ASCC3: variants seen among roughly 807,000 people sequenced by gnomAD.
ASCC3 encodes the protein activating signal cointegrator 1 complex subunit 3, also known as ASC-1 complex subunit P200.
In ASCC3, 158 loss-of-function variants were observed where a neutral mutation model predicts 256.3. That is an observed-to-expected ratio of 0.62 (90% CI 0.54 to 0.70). The LOEUF is 0.70. Among genes scored for constraint, ASCC3 ranks in the 30% least tolerant of loss-of-function variants. The probability of loss-of-function intolerance (pLI) is 0.00; values close to 1 mark genes in which losing one functional copy is unlikely to be tolerated. For missense variants in ASCC3, 2,259 were observed against 2,626.0 expected, an observed-to-expected ratio of 0.86 and a Z score of 3.05; for synonymous variants, 948 against 883.4, an observed-to-expected ratio of 1.07 and a Z score of -1.30.
intron 23 of ASCC3, among the ~76,000 whole-genome samples, chr6:100,643,174 A>G (rs954258018): frequency 1.3e-5 from 2 of 152,172 alleles, no homozygotes; most frequent in Non-Finnish European, 1.5e-5. Context: ...AACCAAGCAG[A>G]CAAAAGCAAT....
At chr6:100,856,720 G>C (rs1772960364) in intron 3 of ASCC3, 1 of 151,988 alleles carries the variant, frequency 6.6e-6, no homozygotes, top group African/African-American at 2.4e-5. Context: ...CATATTAATG[G>C]AATCATAATA....
chr6:100,553,441 C>A (rs917457264), intron 36 of ASCC3, among the ~76,000 whole-genome samples: 2 of 151,996 alleles, frequency 1.3e-5, no homozygotes, highest in Non-Finnish European at 2.9e-5. Flanking sequence ...AGCTTTTATG[C>A]AACTGGGATT....
chr6:100,535,670 T>C (rs1053816756), intron 37 of ASCC3, among the ~76,000 whole-genome samples: 1 of 151,974 alleles, frequency 6.6e-6, no homozygotes, highest in African/African-American at 2.4e-5. Context: ...GGTTTCACCA[T>C]CTTGGCCAGG....
In ASCC3 at chr6:100,800,297, T is replaced by C. The variant is rs41288435; in HGVS notation, c.1127+3A>G. On this transcript the variant is annotated splice_donor_region_variant and intron_variant, in intron 6 of 41. Coordinates refer to ENST00000369162, the MANE Select transcript of ASCC3 (RefSeq NM_006828.4). Reference sequence around the variant, plus strand: ...GCATTTTTCAGCTCCTGGCTTTTATTACCTTTGTATCCGCAATTCCTTAGG... The same window carrying C: ...GCATTTTTCAGCTCCTGGCTTTTATCACCTTTGTATCCGCAATTCCTTAGG... 195,690 of 1,611,842 alleles carry C rather than the reference T, an allele frequency of 0.12. 13,774 individuals are homozygous for C. Among genetic ancestry groups the C allele is most frequent in the Non-Finnish European group, 0.14 (165,921 of 1,178,430 alleles).
At chr6:100,633,080 C>A (rs1309278754) in intron 25 of ASCC3, among the ~76,000 whole-genome samples, 1 of 152,180 alleles carries the variant, frequency 6.6e-6, no homozygotes, top group South Asian at 2.1e-4. Context: ...TACACTAGTT[C>A]TGTCTTAATG....
intron 7 of ASCC3, 34 bp from the exon 8 acceptor site, chr6:100,798,872 TAAAA>T (rs756020806): frequency 1.3e-6 from 2 of 1,554,878 alleles, no homozygotes; most frequent in Admixed American, 1.7e-5. Context: ...CCAATAATAA[TAAAA>T]AATAAAACAC....
At chr6:100,553,328 A>C (rs1031478187) in intron 36 of ASCC3, among the ~76,000 whole-genome samples, 2 of 152,116 alleles carry the variant, frequency 1.3e-5, no homozygotes, top group Non-Finnish European at 2.9e-5. Context: ...AATTTTAAAC[A>C]ACTTGTCTAG....
chr6:100,705,768 C>A (rs900702298), intron 13 of ASCC3, among the ~76,000 whole-genome samples: 2 of 151,894 alleles, frequency 1.3e-5, no homozygotes, highest in Non-Finnish European at 2.9e-5. Flanking sequence ...ATTACTAAAA[C>A]TGCCAAGATA....
chr6:100,835,484 C>T lies in ASCC3; in HGVS notation c.801+12664G>A, dbSNP rs553150840. Among the ~76,000 whole-genome samples the T allele has an allele frequency of 4.3e-4, 66 of 152,266 alleles. 1 individual carries two copies. In the South Asian group the frequency reaches 0.012, roughly 28 times the overall value. On this transcript the variant is annotated intron_variant, in intron 4 of 41. Coordinates refer to ENST00000369162, the MANE Select transcript of ASCC3 (RefSeq NM_006828.4). ...ATAAAGGTCTAGTTTCAATCTTCTG[C>T]ACATGAATATCCAGCTTTTCCAGCT...
In ASCC3 at chr6:100,553,658, A is replaced by G. The variant is rs569680679; in HGVS notation, c.5551-13271T>C. 2.0e-5 allele frequency among the ~76,000 whole-genome samples: 3 copies of G among 151,982 alleles called. No individual in the cohort carries two copies. In the South Asian group the frequency reaches 6.2e-4, roughly 32 times the overall value. On this transcript the variant is annotated intron_variant, in intron 36 of 41. Coordinates refer to ENST00000369162, the MANE Select transcript of ASCC3 (RefSeq NM_006828.4). Reference sequence around the variant, plus strand: ...GACAGTGATCGACAACCTATGATGAACTCTGCTTGTAACCCCCTGCTACTG... The same window carrying G: ...GACAGTGATCGACAACCTATGATGAGCTCTGCTTGTAACCCCCTGCTACTG...
intron 10 of ASCC3, among the ~76,000 whole-genome samples, chr6:100,757,850 G>C (rs1781252824): frequency 6.6e-6 from 1 of 152,034 alleles, no homozygotes; most frequent in Non-Finnish European, 1.5e-5. Flanking sequence ...AAAGTCAATG[G>C]GTGCAGAACT....
At chr6:100,817,491 T>G (rs974413045) in intron 4 of ASCC3, among the ~76,000 whole-genome samples, 1 of 151,938 alleles carries the variant, frequency 6.6e-6, no homozygotes, top group Non-Finnish European at 1.5e-5. Context: ...ACCAAAGGTG[T>G]TCTTTGAAAA....
At chr6:100,793,447 C>A (rs1191276095) in intron 8 of ASCC3, among the ~76,000 whole-genome samples, 2 of 151,940 alleles carry the variant, frequency 1.3e-5, no homozygotes, top group African/African-American at 4.8e-5. Context: ...GTCACACATG[C>A]CACCAATTTC....
chr6:100,716,208 A>G (rs1779080857), intron 12 of ASCC3, among the ~76,000 whole-genome samples: 1 of 151,898 alleles, frequency 6.6e-6, no homozygotes, highest in East Asian at 1.9e-4. Context: ...AAGTTAATAC[A>G]TGCATATAAT....
chr6:100,797,785 T>C (rs1481917117), intron 8 of ASCC3, among the ~76,000 whole-genome samples: 1 of 152,148 alleles, frequency 6.6e-6, no homozygotes, highest in Non-Finnish European at 1.5e-5. Context: ...AATTTTATTC[T>C]ACTCTAAGAA....
intron 11 of ASCC3, among the ~76,000 whole-genome samples, chr6:100,721,793 TTG>T (rs140268395): frequency 1.3e-4 from 6 of 46,342 alleles, no homozygotes; most frequent in African/African-American, 3.3e-4. Context: ...GTCAAATTTT[TTG>T]TTGTTGTTGT....
chr6:100,744,172 A>G (rs1028681557), intron 10 of ASCC3, among the ~76,000 whole-genome samples: 10 of 152,156 alleles, frequency 6.6e-5, no homozygotes, highest in African/African-American at 2.2e-4. Context: ...AAAAATCTAC[A>G]CCGTGTATCA....
chr6:100,749,525 A>G (rs1011696385), intron 10 of ASCC3, among the ~76,000 whole-genome samples: 2 of 152,010 alleles, frequency 1.3e-5, no homozygotes, highest in Non-Finnish European at 2.9e-5. Flanking sequence ...TTTAATTTGA[A>G]TTGATTTTTA....
rs767439248 is a variant in ASCC3, at chr6:100,798,719, T to C, written c.1389A>G (p.Leu463=). The change falls in exon 8 of 42, where the codon TTA becomes TTG. Residue 463 remains leucine (L), a synonymous_variant. Coordinates refer to ENST00000369162, the MANE Select transcript of ASCC3 (RefSeq NM_006828.4). ...FEEKPVYIQD[L]DEIGQLAFKG... The stretch of plus-strand genomic sequence containing the variant: ...TATAAAAGGCTCATCTCACCTCATC[T>C]AAGTCTTGGATATAAACTGGCTTTT... 3.1e-6 allele frequency: 5 copies of C among 1,612,644 alleles called. No homozygotes were observed. In the Admixed American group the frequency reaches 8.3e-5, roughly 27 times the overall value.
Sources: gnomAD v4.1 joint callset for allele counts (sites outside exome capture counted in the v4.1 genomes callset) on GRCh38, gnomAD v4.1.1 for gene constraint, MANE v1.5 for transcripts, NCBI Gene and HGNC (gene_info 2026-07-23, HGNC 2026-07-21) for gene names.